AMER1: variants seen among roughly 807,000 people sequenced by gnomAD.
The protein encoded by AMER1 is APC membrane recruitment protein 1.
In AMER1, 16 loss-of-function variants were observed where a neutral mutation model predicts 53.0. The ratio of observed to expected loss-of-function variants is 0.30; its 90% CI spans 0.20 to 0.46. The LOEUF is 0.46. Ranked by LOEUF, AMER1 falls within the 20% of genes least tolerant of loss-of-function variation. AMER1 has a pLI of 1.00. For synonymous variants in AMER1, 354 were observed against 331.9 expected, an observed-to-expected ratio of 1.07 and a Z score of -0.73; for missense variants, 947 against 884.9, an observed-to-expected ratio of 1.07 and a Z score of -0.89.
rs767204320 is a variant in AMER1 at position 64,191,443 on chromosome X, G to A, written c.1844C>T (p.Thr615Ile). The A allele has an allele frequency of 8.3e-7, 1 of 1,212,046 alleles. No individual in the cohort carries two copies. The highest frequency in any genetic ancestry group is 1.1e-6 in the Non-Finnish European group (1 of 895,552). The change falls in exon 2 of 2, where the codon ACT (threonine) becomes ATT (isoleucine). Residue 615 changes from threonine (T) to isoleucine (I), a missense_variant. Thr to Ile is a moderately conservative substitution (Grantham distance 89, BLOSUM62 -1). Coordinates refer to ENST00000374869, the MANE Select transcript of AMER1 (RefSeq NM_152424.4). ...GREAYAREAHTWEAHGREART... is the reference protein window; with the variant it reads ...GREAYAREAHIWEAHGREART... Reference sequence around the variant, plus strand: ...GGCCTCCCTGCCATGAGCTTCCCAAGTGTGGGCCTCCCTGGCATAGGCTTC... The same window carrying A: ...GGCCTCCCTGCCATGAGCTTCCCAAATGTGGGCCTCCCTGGCATAGGCTTC...
Position 64,191,058 on chromosome X carries a change from C to T in AMER1, c.2229G>A (p.Arg743=), listed in dbSNP as rs1484155916. The change falls in exon 2 of 2, where the codon AGG becomes AGA. Residue 743 remains arginine (R), a synonymous_variant. Transcript: ENST00000374869. ...QEANFGGSPR[R]AYPTYSPPED... is the part of the protein sequence containing the mutation. Reference sequence around the variant, plus strand: ...CAGGGGGTGAATAAGTAGGGTAGGCCCTCCTGGGAGATCCTCCAAAATTTG... The same window carrying T: ...CAGGGGGTGAATAAGTAGGGTAGGCTCTCCTGGGAGATCCTCCAAAATTTG... The T allele has an allele frequency of 8.3e-7, 1 of 1,211,799 alleles. No individual in the cohort carries two copies. Among genetic ancestry groups the T allele is most frequent in the Admixed American group, 2.2e-5 (1 of 46,088 alleles).
intron 1 of AMER1, among the ~76,000 whole-genome samples, chrX:64,202,829 G>C (rs1930516069): frequency 9.0e-6 from 1 of 111,576 alleles, no homozygotes; most frequent in Admixed American, 9.5e-5. Flanking sequence ...TACAAAAATA[G>C]CAACTCCCTG....
intron 1 of AMER1, among the ~76,000 whole-genome samples, chrX:64,195,332 T>C (rs1199794119): frequency 9.0e-6 from 1 of 111,317 alleles, no homozygotes; most frequent in African/African-American, 3.3e-5. Context: ...GATAGGGGAG[T>C]TGGGGAGGCA....
Position 64,193,351 on chromosome X carries a change from T to C in AMER1, c.-65A>G, listed in dbSNP as rs1048821338. 1.1e-5 allele frequency: 13 copies of C among 1,204,294 alleles called. No homozygotes were observed. Among genetic ancestry groups the C allele is most frequent in the Middle Eastern group, 2.8e-4 (1 of 3,544 alleles). ...AGCCTCAGGCTTCCAGGCACTGTTATAACATTATCAGTCAGGAAGCATCAC... is the reference window on the plus strand; with the variant it reads ...AGCCTCAGGCTTCCAGGCACTGTTACAACATTATCAGTCAGGAAGCATCAC... On this transcript the variant is annotated 5_prime_UTR_variant, in exon 2 of 2. Transcript: ENST00000374869.
At chrX:64,202,224 T>C (rs1252956848) in intron 1 of AMER1, among the ~76,000 whole-genome samples, 1 of 111,519 alleles carries the variant, frequency 9.0e-6, no homozygotes, top group Non-Finnish European at 1.9e-5. Flanking sequence ...CCTTTTGAAA[T>C]TTTCAGTCCC....
rs2147088536 is a variant in AMER1, at chrX:64,191,935, C to T, written c.1352G>A (p.Gly451Glu). Residue 451 changes from glycine (G) to glutamate (E), a missense_variant, in exon 2 of 2, where the codon GGG (glycine) becomes GAG (glutamate). By Grantham distance (98) the Gly-to-Glu change is moderately conservative. Transcript: ENST00000374869. ...GTCACTCTGAGGAGTCAAAAGTTCC[C>T]CAGGGGCTAGGCCAGGATAAGACCT... The part of the protein sequence containing the change: ...PVRSYPGLAP[G>E]ELLTPQSDQQ... The T allele has an allele frequency of 1.7e-6, 2 of 1,211,702 alleles. No individual in the cohort carries two copies. The highest frequency in any genetic ancestry group is 2.2e-6 in the Non-Finnish European group (2 of 895,505).
intron 1 of AMER1, among the ~76,000 whole-genome samples, chrX:64,194,173 C>T (rs1011033311): frequency 2.7e-5 from 3 of 111,782 alleles, no homozygotes; most frequent in African/African-American, 9.8e-5. Flanking sequence ...CCTCTATTGG[C>T]TGTCCTGCTG....
In AMER1 at chrX:64,192,936, G is replaced by A. The variant is rs765318995; in HGVS notation, c.351C>T (p.Ser117=). 5.0e-6 allele frequency: 6 copies of A among 1,211,604 alleles called. No homozygotes were observed. The Admixed American group carries it at 1.3e-4, about 26-fold the overall frequency. Residue 117 remains serine, a synonymous_variant, in exon 2 of 2, where the codon TCC becomes TCT. Coordinates refer to ENST00000374869, the MANE Select transcript of AMER1 (RefSeq NM_152424.4). The part of the protein sequence containing the change: ...EDVVSEGTGF[S]LPLPELPCQF... ...GGCAGGGTAACTCAGGCAAAGGCAG[G>A]GAGAAGCCAGTTCCTTCACTGACAA...
chrX:64,187,076 G>C lies in AMER1; in HGVS notation c.*2803C>G, dbSNP rs1930125023. 1.3e-6 allele frequency: 1 copy of C among 781,230 alleles called. No individual in the cohort carries two copies. Among genetic ancestry groups the C allele is most frequent in the Non-Finnish European group, 1.5e-6 (1 of 656,239 alleles). The allele number at this position is 781,230 out of a possible 1,213,427, so 64.4% of individuals were successfully genotyped here. On this transcript the variant is annotated 3_prime_UTR_variant, in exon 2 of 2. Coordinates refer to ENST00000374869, the MANE Select transcript of AMER1 (RefSeq NM_152424.4). The stretch of plus-strand genomic sequence containing the variant: ...TGGACATGATATCAACAGTTTTAGT[G>C]GTCTGGGGTGTATTTGCTGCCACCC...
chrX:64,189,792 A>ATGGGGGC lies in AMER1; in HGVS notation c.*86_*87insGCCCCCA. The stretch of plus-strand genomic sequence containing the variant: ...CCAAAGGGTTTTCAAGTTAAACAAC[A>ATGGGGGC]ACCCCCACCCCCCCACCCTTCTGCC... On this transcript the variant is annotated 3_prime_UTR_variant, in exon 2 of 2. Coordinates refer to ENST00000374869, the MANE Select transcript of AMER1 (RefSeq NM_152424.4). 1 of 746,979 alleles carries ATGGGGGC rather than the reference A, an allele frequency of 1.3e-6. No individual in the cohort carries two copies. The highest frequency in any genetic ancestry group is 1.7e-6 in the Non-Finnish European group (1 of 590,434). The allele number at this position is 746,979 out of a possible 1,213,427, so 61.6% of individuals were successfully genotyped here. A position where few individuals can be genotyped will look rare whatever the true frequency, so the allele number is the denominator to read the frequency against.
In AMER1 at chrX:64,193,295, G is replaced by A. The variant is rs774304358; in HGVS notation, c.-9C>T. The stretch of plus-strand genomic sequence containing the variant: ...TCCTTTTGGGTCTCCATGATGATGG[G>A]GACAACTGAGGTACGTCCAGCTGGA... On this transcript the variant is annotated 5_prime_UTR_variant, in exon 2 of 2. Transcript: ENST00000374869. 8.3e-7 allele frequency: 1 copy of A among 1,209,353 alleles called. No individual in the cohort carries two copies. Among genetic ancestry groups the A allele is most frequent in the Non-Finnish European group, 1.1e-6 (1 of 895,127 alleles).
chrX:64,192,050 C>A lies in AMER1; in HGVS notation c.1237G>T (p.Ala413Ser). ...DDDLEYLWET[A>S]QMYPRPNMNL... Reference sequence around the variant, plus strand: ...ATATTGGGCCGTGGATACATTTGGGCAGTTTCCCACAGATATTCTAAGTCA... The same window carrying A: ...ATATTGGGCCGTGGATACATTTGGGAAGTTTCCCACAGATATTCTAAGTCA... Residue 413 changes from alanine (A) to serine (S), a missense_variant, in exon 2 of 2, where the codon GCC (alanine) becomes TCC (serine). Coordinates refer to ENST00000374869, the MANE Select transcript of AMER1 (RefSeq NM_152424.4). The A allele has an allele frequency of 8.3e-7, 1 of 1,211,743 alleles. No homozygotes were observed. Among genetic ancestry groups the A allele is most frequent in the Non-Finnish European group, 1.1e-6 (1 of 895,526 alleles).
In AMER1 at chrX:64,192,714, C is replaced by A. The variant is rs1938838007; in HGVS notation, c.573G>T (p.Glu191Asp). 1 of 1,186,587 alleles carries A rather than the reference C, an allele frequency of 8.4e-7. No individual in the cohort carries two copies. Among genetic ancestry groups the A allele is most frequent in the Non-Finnish European group, 1.1e-6 (1 of 883,830 alleles). Residue 191 changes from glutamate (E) to aspartate (D), a missense_variant, in exon 2 of 2, where the codon GAG becomes GAT. Glu to Asp is a conservative substitution (Grantham distance 45). Coordinates refer to ENST00000374869, the MANE Select transcript of AMER1 (RefSeq NM_152424.4). ...KSKVTGAEQS[E>D]PGAKGPERVR... Reference sequence around the variant, plus strand: ...CCCTCTCAGGCCCCTTGGCCCCTGGCTCACTTTGCTCAGCCCCAGTGACCT... The same window carrying A: ...CCCTCTCAGGCCCCTTGGCCCCTGGATCACTTTGCTCAGCCCCAGTGACCT...
chrX:64,201,455 A>G (rs949900467), intron 1 of AMER1, among the ~76,000 whole-genome samples: 39 of 106,108 alleles, frequency 3.7e-4, no homozygotes, highest in African/African-American at 1.2e-3. Context: ...CCCAACACAC[A>G]CACACACACA....
chrX:64,204,070 C>G (rs1489115370), intron 1 of AMER1, among the ~76,000 whole-genome samples: 4 of 112,408 alleles, frequency 3.6e-5, no homozygotes, highest in Admixed American at 9.3e-5. Flanking sequence ...TACCAAGCCC[C>G]CAGTGGCTTC....
chrX:64,205,538 G>A (rs1039585762), intron 1 of AMER1, 32 bp downstream of exon 1: 7 of 113,154 alleles, frequency 6.2e-5, no homozygotes, highest in Non-Finnish European at 1.3e-4. Flanking sequence ...ACCGCGGGCA[G>A]GCGGAGGCTC....
Position 64,191,639 on chromosome X carries a change from G to T in AMER1, c.1648C>A (p.Pro550Thr), listed in dbSNP as rs1278635563. ...LNFEPFLSSR[P>T]PGAMETEEER... is the part of the protein sequence containing the mutation. Reference sequence around the variant, plus strand: ...TCCTCTGTCTCCATTGCCCCAGGTGGCCGGGAGGACAAAAAGGGCTCAAAG... The same window carrying T: ...TCCTCTGTCTCCATTGCCCCAGGTGTCCGGGAGGACAAAAAGGGCTCAAAG... The change falls in exon 2 of 2, where the codon CCA becomes ACA. Residue 550 changes from proline to threonine, a missense_variant. Transcript: ENST00000374869. 7 of 1,211,008 alleles carry T rather than the reference G, an allele frequency of 5.8e-6. No homozygotes were observed. Among genetic ancestry groups the T allele is most frequent in the Non-Finnish European group, 7.8e-6 (7 of 895,470 alleles).
Position 64,192,736 on chromosome X carries a change from A to T in AMER1, c.551T>A (p.Val184Asp), listed in dbSNP as rs2147090303. The change falls in exon 2 of 2, where the codon GTC (valine) becomes GAC (aspartate). Residue 184 changes from valine to aspartate, a missense_variant. By Grantham distance (152) the Val-to-Asp change is radical. Transcript: ENST00000374869. ...TGGCTCACTTTGCTCAGCCCCAGTG[A>T]CCTTGCTCTTCCGGTGACGGCGGAT... ...SSIRRHRKSK[V>D]TGAEQSEPGA... 8.3e-7 allele frequency: 1 copy of T among 1,200,964 alleles called. No homozygotes were observed. Among genetic ancestry groups the T allele is most frequent in the Non-Finnish European group, 1.1e-6 (1 of 890,300 alleles).
rs1930178968 is a variant in AMER1, at chrX:64,189,464, TTGTGTGTGTGTGTGTATGTA to T, written c.*395_*414del. 4.2e-6 allele frequency: 3 copies of T among 706,293 alleles called. No homozygotes were observed. Among genetic ancestry groups the T allele is most frequent in the Non-Finnish European group, 4.9e-6 (3 of 612,930 alleles). The allele number at this position is 706,293 out of a possible 1,213,427, so 58.2% of individuals were successfully genotyped here. A position where few individuals can be genotyped will look rare whatever the true frequency, so the allele number is the denominator to read the frequency against. On this transcript the variant is annotated 3_prime_UTR_variant, in exon 2 of 2. Coordinates refer to ENST00000374869, the MANE Select transcript of AMER1 (RefSeq NM_152424.4). The stretch of plus-strand genomic sequence containing the variant: ...GCTATATATGTGTGTGCATGTGTGT[TTGTGTGTGTGTGTGTATGTA>T]TGTGTGTGTGTGTGTGTGTGTGTGT...
Sources: gnomAD v4.1 joint callset for allele counts (sites outside exome capture counted in the v4.1 genomes callset) on GRCh38, gnomAD v4.1.1 for gene constraint, MANE v1.5 for transcripts, NCBI Gene and HGNC (gene_info 2026-07-23, HGNC 2026-07-21) for gene names.